Variants in SLC9A9 observed in about 807,000 individuals in gnomAD.
SLC9A9 encodes the protein sodium/hydrogen exchanger 9.
Under a neutral mutation model 77.8 loss-of-function variants are expected in SLC9A9, and 62 were observed. The ratio of observed to expected loss-of-function variants is 0.80; its 90% confidence interval spans 0.65 to 0.98. SLC9A9 has a LOEUF of 0.98. SLC9A9 is among the 50% of genes least tolerant of loss of function. SLC9A9 has a pLI of 0.00. For missense variants in SLC9A9, 775 were observed against 774.9 expected, an observed-to-expected ratio of 1.00 and a Z score of 0.00; for synonymous variants, 320 against 283.5, an observed-to-expected ratio of 1.13 and a Z score of -1.29.
intron 14 of SLC9A9, among the ~76,000 whole-genome samples, chr3:143,279,160 T>TTCTTCTG (rs1338823534): frequency 1.3e-5 from 2 of 148,704 alleles, no homozygotes; most frequent in Admixed American, 6.6e-5. Context: ...CATAACATTC[T>TTCTTCTG]TCTTCTGGCT....
At chr3:143,830,531 A>G (rs1182826655) in intron 2 of SLC9A9, among the ~76,000 whole-genome samples, 2 of 152,198 alleles carry the variant, frequency 1.3e-5, no homozygotes, top group African/African-American at 2.4e-5. Flanking sequence ...TTTATTGGCA[A>G]TCCTGTTCAA....
At chr3:143,693,342 A>G (rs1056893697) in intron 4 of SLC9A9, 35 bp from the exon 5 acceptor site, 1 of 1,496,300 alleles carries the variant, frequency 6.7e-7, no homozygotes, top group Non-Finnish European at 9.3e-7. Context: ...TCAAACATCA[A>G]GATGAACCCT....
At chr3:143,644,715 ATGAAAT>A (rs1329012986) in intron 6 of SLC9A9, among the ~76,000 whole-genome samples, 4 of 152,042 alleles carry the variant, frequency 2.6e-5, no homozygotes, top group Non-Finnish European at 4.4e-5. Flanking sequence ...TGAAGTCAGC[ATGAAAT>A]TGACTCCCAA....
intron 12 of SLC9A9, among the ~76,000 whole-genome samples, chr3:143,463,807 G>A (rs1016221371): frequency 5.3e-5 from 8 of 152,222 alleles, no homozygotes; most frequent in African/African-American, 1.9e-4. Context: ...ATGGTGCTTA[G>A]GACAAGACTC....
Position 143,386,534 on chromosome 3 carries a change from G to T in SLC9A9, c.1470-4420C>A, listed in dbSNP as rs532842333. On this transcript the variant is annotated intron_variant, in intron 12 of 15. Coordinates refer to ENST00000316549, the MANE Select transcript of SLC9A9 (RefSeq NM_173653.4). ...AGAGAACTCATTTCACAGGGTTGTG[G>T]TGAGGATTAAGTAAGAAAATAGCTT... Among the ~76,000 whole-genome samples, 3 of 152,348 alleles carry T rather than the reference G, an allele frequency of 2.0e-5. No homozygotes were observed. The South Asian group carries it at 6.2e-4, about 32-fold the overall frequency.
chr3:143,486,753 G>A (rs1440406492), intron 11 of SLC9A9, among the ~76,000 whole-genome samples: 3 of 151,660 alleles, frequency 2.0e-5, no homozygotes, highest in African/African-American at 4.8e-5. Context: ...TAATCTCCAT[G>A]GTAACCACAA....
chr3:143,818,023 A>T (rs2009066468), intron 2 of SLC9A9, among the ~76,000 whole-genome samples: 1 of 152,212 alleles, frequency 6.6e-6, no homozygotes, highest in Admixed American at 6.5e-5. Flanking sequence ...ATCTGATTTA[A>T]GCTACACAGA....
intron 6 of SLC9A9, among the ~76,000 whole-genome samples, chr3:143,586,047 G>A (rs1406522325): frequency 6.6e-6 from 1 of 152,198 alleles, no homozygotes; most frequent in Non-Finnish European, 1.5e-5. Context: ...ACTTTCATGG[G>A]AAGGGATAAC....
intron 5 of SLC9A9, among the ~76,000 whole-genome samples, chr3:143,664,373 A>AC (rs977656143): frequency 1.2e-4 from 19 of 152,350 alleles, no homozygotes; most frequent in African/African-American, 4.1e-4. Flanking sequence ...CACTGCAAAA[A>AC]CATGCCAAAT....
intron 14 of SLC9A9, among the ~76,000 whole-genome samples, chr3:143,291,545 C>T (rs1376671103): frequency 1.3e-5 from 2 of 152,064 alleles, no homozygotes; most frequent in Non-Finnish European, 1.5e-5. Context: ...AGTCAGGGGG[C>T]CTCTCAGGTC....
chr3:143,631,859 C>G (rs2038428492), intron 6 of SLC9A9, among the ~76,000 whole-genome samples: 1 of 152,102 alleles, frequency 6.6e-6, no homozygotes, highest in Non-Finnish European at 1.5e-5. Context: ...TTCTAAAAAA[C>G]ACTTTGCTAG....
intron 14 of SLC9A9, among the ~76,000 whole-genome samples, chr3:143,362,388 T>C (rs1333252676): frequency 6.6e-6 from 1 of 152,212 alleles, no homozygotes; most frequent in African/African-American, 2.4e-5. Context: ...AATTGTCACA[T>C]TGTTTTACTT....
Position 143,516,844 on chromosome 3 carries a change from T to C in SLC9A9, c.1090-21396A>G, listed in dbSNP as rs116640049. 3.2e-3 allele frequency among the ~76,000 whole-genome samples: 486 copies of C among 152,314 alleles called. 7 individuals carry two copies. Among genetic ancestry groups the C allele is most frequent in the African/African-American group, 0.011 (470 of 41,566 alleles). Reference sequence around the variant, plus strand: ...TTTAATAGATACTACAAAATTGTCCTTTAAATGAGTATATAATTTTTCATC... The same window carrying C: ...TTTAATAGATACTACAAAATTGTCCCTTAAATGAGTATATAATTTTTCATC... On this transcript the variant is annotated intron_variant, in intron 9 of 15. Transcript: ENST00000316549.
At chr3:143,787,362 T>G (rs1417439606) in intron 4 of SLC9A9, among the ~76,000 whole-genome samples, 2 of 152,236 alleles carry the variant, frequency 1.3e-5, no homozygotes, top group African/African-American at 4.8e-5. Context: ...TCATTTGTCT[T>G]TATTTGTTTC....
At chr3:143,552,279 C>G in intron 9 of SLC9A9, 83 bp downstream of exon 9, 1 of 977,564 alleles carries the variant, frequency 1.0e-6, no homozygotes, top group Middle Eastern at 2.9e-4. Flanking sequence ...TAATGAAACT[C>G]TTTCTGACTA....
chr3:143,758,447 C>G (rs1216761827), intron 4 of SLC9A9, among the ~76,000 whole-genome samples: 2 of 152,084 alleles, frequency 1.3e-5, no homozygotes, highest in Non-Finnish European at 2.9e-5. Context: ...ACCTATAGGA[C>G]TTAATGGCTG....
intron 6 of SLC9A9, among the ~76,000 whole-genome samples, chr3:143,583,966 A>G (rs1230520333): frequency 1.3e-5 from 2 of 152,180 alleles, no homozygotes; most frequent in South Asian, 4.1e-4. Flanking sequence ...GTGCTCAATA[A>G]ATGCTAGTAA....
intron 5 of SLC9A9, among the ~76,000 whole-genome samples, chr3:143,676,621 C>T (rs1170849275): frequency 6.6e-6 from 1 of 152,064 alleles, no homozygotes; most frequent in Non-Finnish European, 1.5e-5. Context: ...TCTGTAGTTA[C>T]AGCTACTCGG....
intron 12 of SLC9A9, among the ~76,000 whole-genome samples, chr3:143,427,939 G>A (rs1008378026): frequency 7.2e-5 from 11 of 152,106 alleles, no homozygotes; most frequent in African/African-American, 2.2e-4. Context: ...AAATCAACTC[G>A]AAAGGAACTA....
Sources: gnomAD v4.1 joint callset for allele counts (sites outside exome capture counted in the v4.1 genomes callset) on GRCh38, gnomAD v4.1.1 for gene constraint, MANE v1.5 for transcripts, NCBI Gene and HGNC (gene_info 2026-07-23, HGNC 2026-07-21) for gene names.